ATG5: variants seen among roughly 807,000 people sequenced by gnomAD.
ATG5 encodes the protein autophagy protein 5.
Under a neutral mutation model 36.5 loss-of-function variants are expected in ATG5, and 14 were observed. The ratio of observed to expected loss-of-function variants is 0.38; its 90% CI spans 0.25 to 0.60. The LOEUF (loss-of-function observed/expected upper bound fraction) is 0.60. ATG5 is among the 20% of genes least tolerant of loss of function. The pLI is 0.60. For missense variants in ATG5, 195 were observed against 326.7 expected, an observed-to-expected ratio of 0.60 and a Z score of 3.11; for synonymous variants, 95 against 101.5, an observed-to-expected ratio of 0.94 and a Z score of 0.38.
chr6:106,292,501 T>C (rs1780349165), intron 4 of ATG5, among the ~76,000 whole-genome samples: 2 of 152,236 alleles, frequency 1.3e-5, no homozygotes, highest in Admixed American at 1.3e-4. Flanking sequence ...TTCTATCTCC[T>C]AACCCTTCTC....
chr6:106,198,729 T>C (rs890582498), intron 7 of ATG5, among the ~76,000 whole-genome samples: 1 of 151,572 alleles, frequency 6.6e-6, no homozygotes, highest in Non-Finnish European at 1.5e-5. Flanking sequence ...TTAGCCAAGA[T>C]TGCACCACTG....
chr6:106,198,020 C>T (rs1372999631), intron 7 of ATG5, among the ~76,000 whole-genome samples: 4 of 152,126 alleles, frequency 2.6e-5, no homozygotes, highest in African/African-American at 9.7e-5. Flanking sequence ...CTCTTCATTA[C>T]ACTTCAAATG....
At chr6:106,242,025 A>C (rs569178073) in intron 6 of ATG5, among the ~76,000 whole-genome samples, 1 of 152,310 alleles carries the variant, frequency 6.6e-6, no homozygotes, top group East Asian at 1.9e-4. Context: ...CAAAAGGTGG[A>C]AGCAACTCCA....
chr6:106,220,030 T>TA (rs1562218727), intron 6 of ATG5, among the ~76,000 whole-genome samples: 1 of 152,096 alleles, frequency 6.6e-6, no homozygotes, highest in Non-Finnish European at 1.5e-5. Flanking sequence ...AGCCTTTTTT[T>TA]AAAAAGCTAA....
At chr6:106,227,152 T>C (rs1014314264) in intron 6 of ATG5, among the ~76,000 whole-genome samples, 7 of 152,102 alleles carry the variant, frequency 4.6e-5, no homozygotes, top group Non-Finnish European at 7.4e-5. Flanking sequence ...CCTAGGTACA[T>C]CATAATCAAA....
chr6:106,317,152 T>A (rs1007314369), intron 1 of ATG5, among the ~76,000 whole-genome samples: 9 of 152,216 alleles, frequency 5.9e-5, no homozygotes, highest in Admixed American at 5.2e-4. Flanking sequence ...TGCAACTGAA[T>A]AACACATCAC....
At chr6:106,273,075 T>C (rs1432004639) in intron 5 of ATG5, among the ~76,000 whole-genome samples, 1 of 152,194 alleles carries the variant, frequency 6.6e-6, no homozygotes, top group African/African-American at 2.4e-5. Context: ...AATCTGAATT[T>C]TGCTAAAGAC....
At chr6:106,236,507 G>T (rs1777910381) in intron 6 of ATG5, among the ~76,000 whole-genome samples, 1 of 152,052 alleles carries the variant, frequency 6.6e-6, no homozygotes, top group Non-Finnish European at 1.5e-5. Flanking sequence ...AATCTTTTTA[G>T]TACTGTCAAC....
chr6:106,219,482 T>G (rs763487492), intron 6 of ATG5, among the ~76,000 whole-genome samples: 1 of 152,168 alleles, frequency 6.6e-6, no homozygotes, highest in Non-Finnish European at 1.5e-5. Flanking sequence ...GTACCAAACA[T>G]GTACAGGCTT....
In ATG5 at chr6:106,294,078, G is replaced by A. The variant is rs73507111; in HGVS notation, c.237-972C>T. Among the ~76,000 whole-genome samples, 191 of 152,018 alleles carry A rather than the reference G, an allele frequency of 1.3e-3. 1 individual carries two copies. Among genetic ancestry groups the A allele is most frequent in the African/African-American group, 4.5e-3 (185 of 41,444 alleles). ...AATGAGCACTTCCTTTGAGTGTCACGTCAGTGCTCAAAATGTTTTGGATTT... is the reference window on the plus strand; with the variant it reads ...AATGAGCACTTCCTTTGAGTGTCACATCAGTGCTCAAAATGTTTTGGATTT... On this transcript the variant is annotated intron_variant, in intron 3 of 7. Coordinates refer to ENST00000369076, the MANE Select transcript of ATG5 (RefSeq NM_004849.4).
intron 5 of ATG5, among the ~76,000 whole-genome samples, chr6:106,250,117 T>G (rs1463806595): frequency 6.6e-6 from 1 of 152,154 alleles, no homozygotes; most frequent in East Asian, 1.9e-4. Flanking sequence ...CAGAAATTTG[T>G]ATCAAAATCT....
At chr6:106,254,472 T>C (rs73778107) in intron 5 of ATG5, among the ~76,000 whole-genome samples, 3,744 of 152,258 alleles carry the variant, frequency 0.025, 63 homozygotes, top group African/African-American at 0.049. Flanking sequence ...CAACGAATGT[T>C]TGTTAATCAC....
chr6:106,213,194 G>A (rs1057221986), intron 6 of ATG5, among the ~76,000 whole-genome samples: 1 of 151,844 alleles, frequency 6.6e-6, no homozygotes, highest in Non-Finnish European at 1.5e-5. Flanking sequence ...CATTTACCAG[G>A]GTATCACTAT....
chr6:106,224,442 G>A (rs1454954753), intron 6 of ATG5, among the ~76,000 whole-genome samples: 2 of 152,198 alleles, frequency 1.3e-5, no homozygotes, highest in African/African-American at 4.8e-5. Flanking sequence ...TTATTCCAAA[G>A]TATTGACCTG....
At chr6:106,245,248 A>G (rs1398669487) in intron 6 of ATG5, among the ~76,000 whole-genome samples, 1 of 152,208 alleles carries the variant, frequency 6.6e-6, no homozygotes, top group Non-Finnish European at 1.5e-5. Flanking sequence ...CTCATGATAA[A>G]TGAATTACAG....
intron 5 of ATG5, among the ~76,000 whole-genome samples, chr6:106,261,063 A>G (rs1236278460): frequency 6.6e-6 from 1 of 152,242 alleles, no homozygotes; most frequent in East Asian, 1.9e-4. Flanking sequence ...TAGAAAGGTA[A>G]TAAAGGAATG....
At chr6:106,202,718 GTGGCGCGATCTCAGCTCAC>G (rs1335095780) in intron 6 of ATG5, among the ~76,000 whole-genome samples, 35 of 152,324 alleles carry the variant, frequency 2.3e-4, no homozygotes, top group African/African-American at 8.2e-4. Flanking sequence ...CTGGAGTGCA[GTGGCGCGATCTCAGCTCAC>G]TGCAACCTCT....
intron 7 of ATG5, among the ~76,000 whole-genome samples, 169 bp from the exon 8 acceptor site, chr6:106,186,845 C>T (rs1350200645): frequency 6.6e-6 from 1 of 152,144 alleles, no homozygotes; most frequent in Admixed American, 6.6e-5. Flanking sequence ...GTATGTATCA[C>T]CCAAAACAGA....
chr6:106,250,873 G>A (rs1778547340), intron 5 of ATG5, among the ~76,000 whole-genome samples: 2 of 152,138 alleles, frequency 1.3e-5, no homozygotes, highest in African/African-American at 2.4e-5. Context: ...TATATGCATC[G>A]CTATATGGTC....
Sources: gnomAD v4.1 joint callset for allele counts (sites outside exome capture counted in the v4.1 genomes callset) on GRCh38, gnomAD v4.1.1 for gene constraint, MANE v1.5 for transcripts, NCBI Gene and HGNC (gene_info 2026-07-23, HGNC 2026-07-21) for gene names.